Variants in FRMD6 observed in about 807,000 individuals in gnomAD.
FRMD6 encodes FERM domain-containing protein 6.
FRMD6 carries 37 observed loss-of-function variants against 73.2 expected under a neutral mutation model. The observed-to-expected ratio is 0.51, with a 90% CI of 0.39 to 0.66. FRMD6 has a LOEUF of 0.66. Ranked by LOEUF, FRMD6 falls within the 30% of genes least tolerant of loss-of-function variation. The pLI is 0.00. For synonymous variants in FRMD6, 273 were observed against 282.2 expected (o/e 0.97, Z 0.33); for missense variants, 714 against 780.5 (o/e 0.91, Z 1.02).
intron 11 of FRMD6, among the ~76,000 whole-genome samples, chr14:51,721,558 G>C (rs1308255610): frequency 6.6e-6 from 1 of 151,432 alleles, no homozygotes; most frequent in Admixed American, 6.6e-5. Context: ...TGCAGTGAGC[G>C]GAGATCACAC....
rs147653974 is a variant in FRMD6 at position 51,620,261 on chromosome 14, T to C, written c.-147+49851T>C. 3.2e-3 allele frequency among the ~76,000 whole-genome samples: 491 copies of C among 152,248 alleles called. 2 individuals carry two copies. The highest frequency in any genetic ancestry group is 0.011 in the African/African-American group (469 of 41,550). ...TAAATTGGCCTGGGAATGTCTCCTC[T>C]AGAATTTACAACTGGATGAAAGAAA... On this transcript the variant is annotated intron_variant, in intron 2 of 14. Coordinates refer to the FRMD6 transcript ENST00000356218.
At chr14:51,655,336 G>A (rs1369676725) in intron 1 of FRMD6, among the ~76,000 whole-genome samples, 1 of 152,192 alleles carries the variant, frequency 6.6e-6, no homozygotes, top group Non-Finnish European at 1.5e-5. Context: ...GTGTGTTTAT[G>A]TCGTGATTGT....
chr14:51,644,353 T>TCACACACACACACACA (rs375341468), intron 2 of FRMD6, among the ~76,000 whole-genome samples: 28 of 142,166 alleles, frequency 2.0e-4, no homozygotes, highest in Admixed American at 6.4e-4. Context: ...GCCTCACCCT[T>TCACACACACACACACA]CACACACACA....
intron 1 of FRMD6, among the ~76,000 whole-genome samples, chr14:51,679,559 T>C (rs1439276528): frequency 3.4e-5 from 5 of 146,760 alleles, no homozygotes; most frequent in Non-Finnish European, 7.6e-5. Flanking sequence ...TGTTTTCTTT[T>C]TTTTTTTTTT....
At chr14:51,644,972 C>CT (rs1891999933) in intron 2 of FRMD6, among the ~76,000 whole-genome samples, 2 of 152,268 alleles carry the variant, frequency 1.3e-5, no homozygotes, top group East Asian at 3.9e-4. Context: ...ATCTGGGGTC[C>CT]TTTGAGACCA....
At chr14:51,630,908 T>A (rs1891311439) in intron 2 of FRMD6, among the ~76,000 whole-genome samples, 1 of 152,166 alleles carries the variant, frequency 6.6e-6, no homozygotes, top group Non-Finnish European at 1.5e-5. Flanking sequence ...TTCCACTCAT[T>A]TCCACACTCT....
At chr14:51,649,350 C>T (rs11627169), upstream of FRMD6, among the ~76,000 whole-genome samples, 114,565 of 151,998 alleles carry the variant, frequency 0.75, 43,558 homozygotes, top group Non-Finnish European at 0.8. Flanking sequence ...TTCTGGACAA[C>T]AAGCCCACTC....
intron 2 of FRMD6, among the ~76,000 whole-genome samples, chr14:51,619,600 A>G (rs1343505309): frequency 6.6e-6 from 1 of 152,196 alleles, no homozygotes; most frequent in Admixed American, 6.5e-5. Flanking sequence ...GACAGATGAG[A>G]AACCGTAGAC....
chr14:51,504,012 T>C (rs1883787555), intron 1 of FRMD6, among the ~76,000 whole-genome samples: 1 of 152,224 alleles, frequency 6.6e-6, no homozygotes, highest in Non-Finnish European at 1.5e-5. Context: ...TTCTGGTTTA[T>C]GTCATAGAGG....
chr14:51,650,450 C>A (rs1892293048), upstream of FRMD6: 1 of 128,468 alleles, frequency 7.8e-6, no homozygotes, highest in South Asian at 2.6e-4. Flanking sequence ...GGCTGGAGTG[C>A]AGTGGCGGGA....
intron 2 of FRMD6, among the ~76,000 whole-genome samples, chr14:51,625,449 C>T (rs762972179): frequency 5.2e-5 from 6 of 116,122 alleles, no homozygotes; most frequent in Non-Finnish European, 9.3e-5. Flanking sequence ...TTGGGATTCC[C>T]CTTATCTTTT....
intron 1 of FRMD6, among the ~76,000 whole-genome samples, chr14:51,667,052 T>G (rs752228590): frequency 3.5e-4 from 54 of 152,236 alleles, no homozygotes; most frequent in Non-Finnish European, 6.9e-4. Context: ...GAGGATTGCT[T>G]GAGCCTGGAA....
intron 1 of FRMD6, among the ~76,000 whole-genome samples, chr14:51,664,651 C>T (rs947750884): frequency 1.5e-4 from 23 of 152,186 alleles, no homozygotes; most frequent in African/African-American, 5.3e-4. Flanking sequence ...GAAGACTTTC[C>T]TTTGCAGTGG....
chr14:51,438,668 A>G, the FRMD6 span, among the ~76,000 whole-genome samples: 1 of 152,218 alleles, frequency 6.6e-6, no homozygotes, highest in Non-Finnish European at 1.5e-5. Flanking sequence ...TTGGTTTCTG[A>G]TAATATTCAC....
intron 2 of FRMD6, among the ~76,000 whole-genome samples, chr14:51,621,092 C>T (rs897899232): frequency 2.0e-5 from 3 of 152,152 alleles, no homozygotes; most frequent in Admixed American, 6.5e-5. Flanking sequence ...CATTTAACCA[C>T]GCCACTGTTT....
chr14:51,620,681 G>A (rs1890894479), intron 2 of FRMD6, among the ~76,000 whole-genome samples: 2 of 152,156 alleles, frequency 1.3e-5, no homozygotes, highest in African/African-American at 4.8e-5. Context: ...CTGGATGGAT[G>A]TCTTTGGCTT....
Position 51,715,418 on chromosome 14 carries a change from C to T in FRMD6, c.943C>T (p.Gln315Ter). 1 of 1,613,868 alleles carries T rather than the reference C, an allele frequency of 6.2e-7. No individual in the cohort carries two copies. Among genetic ancestry groups the T allele is most frequent in the Non-Finnish European group, 8.5e-7 (1 of 1,179,852 alleles). Reference sequence around the variant, plus strand: ...CCCCATGCGCTCCAGACACCTCCTGCAACTTCTGAGCAACAGCCACCGCCT... The same window carrying T: ...CCCCATGCGCTCCAGACACCTCCTGTAACTTCTGAGCAACAGCCACCGCCT... ...GCPMRSRHLL[Q>*]LLSNSHRLYM... The change falls in exon 10 of 14, where the codon CAA becomes TAA. Residue 315 changes from glutamine (Q) to a stop codon, truncating the protein, a stop_gained. Coordinates refer to ENST00000344768, the MANE Select transcript of FRMD6 (RefSeq NM_001267046.2). LOFTEE classifies it high-confidence loss of function.
chr14:51,592,329 G>A (rs1253507100), intron 2 of FRMD6, among the ~76,000 whole-genome samples: 1 of 152,142 alleles, frequency 6.6e-6, no homozygotes, highest in Non-Finnish European at 1.5e-5. Flanking sequence ...GCTCTGTAAA[G>A]GCATTTGGGT....
At chr14:51,546,016 CTA>C (rs1279039855) in intron 1 of FRMD6, among the ~76,000 whole-genome samples, 1 of 152,052 alleles carries the variant, frequency 6.6e-6, no homozygotes, top group Non-Finnish European at 1.5e-5. Context: ...AATATTCACT[CTA>C]TTTTTGTCTT....
Sources: allele counts gnomAD v4.1 joint callset (sites outside exome capture counted in the v4.1 genomes callset), GRCh38; gene constraint gnomAD v4.1.1; transcripts MANE v1.5; gene names NCBI Gene and HGNC (gene_info 2026-07-23, HGNC 2026-07-21).